PARN: variants seen among roughly 807,000 people sequenced by gnomAD.
The protein encoded by PARN is poly(A)-specific ribonuclease PARN.
A neutral mutation model predicts 102.8 loss-of-function variants in PARN; 71 were observed. That is an observed-to-expected ratio of 0.69 (90% CI 0.57 to 0.84). The LOEUF is 0.84. Ranked by LOEUF, PARN falls within the 40% of genes least tolerant of loss-of-function variation. The probability of loss-of-function intolerance (pLI) is 0.00; values close to 1 mark genes in which losing one functional copy is unlikely to be tolerated. For synonymous variants in PARN, 261 were observed against 252.9 expected, an observed-to-expected ratio of 1.03 and a Z score of -0.30; for missense variants, 782 against 760.9, an observed-to-expected ratio of 1.03 and a Z score of -0.33.
intron 18 of PARN, among the ~76,000 whole-genome samples, chr16:14,570,860 C>T (rs957356177): frequency 6.7e-6 from 1 of 149,062 alleles, no homozygotes; most frequent in African/African-American, 2.5e-5. Context: ...TGGTGGCATG[C>T]GCCTTTGGTA....
intron 19 of PARN, among the ~76,000 whole-genome samples, 157 bp from the exon 20 acceptor site, chr16:14,554,308 G>A (rs1487679107): frequency 6.6e-6 from 1 of 152,170 alleles, no homozygotes. Context: ...GGATTGGTGG[G>A]ATTCTGCCAT....
chr16:14,573,249 T>C (rs779567609), intron 18 of PARN, among the ~76,000 whole-genome samples: 2 of 152,216 alleles, frequency 1.3e-5, no homozygotes, highest in Non-Finnish European at 2.9e-5. Flanking sequence ...TTTTGAAATA[T>C]GTATACACTG....
chr16:14,510,950 G>A (rs1324050601), intron 21 of PARN, among the ~76,000 whole-genome samples: 1 of 152,198 alleles, frequency 6.6e-6, no homozygotes, highest in Non-Finnish European at 1.5e-5. Context: ...CTGAGCCACA[G>A]AGGAAAAAAT....
At chr16:14,576,458 G>A (rs529698079) in intron 18 of PARN, among the ~76,000 whole-genome samples, 8 of 152,280 alleles carry the variant, frequency 5.3e-5, no homozygotes, top group African/African-American at 1.9e-4. Context: ...AAGGGTCAAG[G>A]TGTCTTGACA....
intron 23 of PARN, among the ~76,000 whole-genome samples, chr16:14,441,622 T>C (rs4442838): frequency 0.11 from 16,831 of 152,270 alleles, 1,016 homozygotes; most frequent in East Asian, 0.25. Flanking sequence ...TGATGACATC[T>C]TGGAGTTGCC....
At chr16:14,581,100 T>C (rs1406912772) in intron 17 of PARN, among the ~76,000 whole-genome samples, 157 bp from the exon 18 acceptor site, 1 of 152,188 alleles carries the variant, frequency 6.6e-6, no homozygotes, top group Non-Finnish European at 1.5e-5. Flanking sequence ...TTGCCCAGGC[T>C]GGAGTGCAAT....
chr16:14,512,863 G>C (rs1283047177), intron 21 of PARN, among the ~76,000 whole-genome samples: 1 of 152,150 alleles, frequency 6.6e-6, no homozygotes, highest in Non-Finnish European at 1.5e-5. Flanking sequence ...TTTTGTTGTG[G>C]TTTTTATTTT....
At position 14,582,176 on chromosome 16, in the gene PARN, C is replaced by A. The variant is rs144238272; in HGVS notation, c.1192+5G>T. On this transcript the variant is annotated splice_donor_5th_base_variant and intron_variant, in intron 17 of 23. Coordinates refer to ENST00000437198, the MANE Select transcript of PARN (RefSeq NM_002582.4). ...GTGTTTGACTGAAAGACATGTAATG[C>A]GTACCTAGGTAATTGGCCATGGAGA... is the stretch of plus-strand genomic sequence containing the variant. 1.3e-6 allele frequency: 2 copies of A among 1,554,602 alleles called. No homozygotes were observed. Among genetic ancestry groups the A allele is most frequent in the East Asian group, 2.2e-5 (1 of 44,584 alleles).
intron 23 of PARN, among the ~76,000 whole-genome samples, chr16:14,438,447 G>C (rs1321786594): frequency 2.0e-5 from 3 of 150,530 alleles, no homozygotes; most frequent in South Asian, 4.2e-4. Context: ...TAGTTGGGGG[G>C]GGGGGTGTGT....
intron 9 of PARN, among the ~76,000 whole-genome samples, 159 bp from the exon 10 acceptor site, chr16:14,606,685 C>T (rs904242975): frequency 3.9e-5 from 6 of 152,014 alleles, no homozygotes; most frequent in African/African-American, 9.7e-5. Context: ...TATTTTATAA[C>T]GTTTCAGCTG....
At chr16:14,591,390 TA>T (rs11352789) in intron 13 of PARN, among the ~76,000 whole-genome samples, 77,784 of 138,990 alleles carry the variant, frequency 0.56, 21,809 homozygotes, top group Middle Eastern at 0.67. Context: ...ACTCCATCTC[TA>T]AAAAAAAAAA....
intron 21 of PARN, among the ~76,000 whole-genome samples, chr16:14,509,562 C>T (rs59939388): frequency 6.6e-6 from 1 of 152,260 alleles, no homozygotes; most frequent in East Asian, 1.9e-4. Context: ...AAACCCCATC[C>T]ATCACATAAG....
intron 23 of PARN, among the ~76,000 whole-genome samples, chr16:14,445,592 C>A (rs1403365763): frequency 2.0e-5 from 3 of 152,174 alleles, no homozygotes; most frequent in African/African-American, 7.2e-5. Context: ...GACAGGGTGT[C>A]ACTCTGTTGC....
intron 11 of PARN, among the ~76,000 whole-genome samples, chr16:14,601,206 C>T (rs1399904616): frequency 1.3e-5 from 2 of 152,112 alleles, no homozygotes; most frequent in Non-Finnish European, 2.9e-5. Context: ...TCAAAAGCAA[C>T]CCAGGTGTCC....
chr16:14,521,045 T>G (rs1388654395), intron 21 of PARN, among the ~76,000 whole-genome samples: 1 of 152,216 alleles, frequency 6.6e-6, no homozygotes, highest in African/African-American at 2.4e-5. Flanking sequence ...TATCCTTTAA[T>G]TCTCTAGTCT....
intron 22 of PARN, among the ~76,000 whole-genome samples, chr16:14,464,289 A>T (rs1378595460): frequency 6.6e-6 from 1 of 152,258 alleles, no homozygotes; most frequent in African/African-American, 2.4e-5. Context: ...GAACTTGTAA[A>T]AAGTAGCCAC....
At chr16:14,542,853 T>C (rs1455526304) in intron 21 of PARN, among the ~76,000 whole-genome samples, 1 of 152,212 alleles carries the variant, frequency 6.6e-6, no homozygotes, top group Non-Finnish European at 1.5e-5. Flanking sequence ...AAAGATCTCC[T>C]ACATGTGGGT....
At chr16:14,587,490 G>A (rs1188517316) in intron 13 of PARN, among the ~76,000 whole-genome samples, 1 of 152,154 alleles carries the variant, frequency 6.6e-6, no homozygotes, top group Non-Finnish European at 1.5e-5. Flanking sequence ...TTTGATACCA[G>A]TGCATGTAAA....
At chr16:14,626,714 C>A (rs1336304166) in intron 5 of PARN, among the ~76,000 whole-genome samples, 1 of 151,836 alleles carries the variant, frequency 6.6e-6, no homozygotes, top group Non-Finnish European at 1.5e-5. Flanking sequence ...CAGGTTCACG[C>A]CATTCTCCTG....
Sources: gnomAD v4.1 joint callset for allele counts (sites outside exome capture counted in the v4.1 genomes callset) on GRCh38, gnomAD v4.1.1 for gene constraint, MANE v1.5 for transcripts, NCBI Gene and HGNC (gene_info 2026-07-23, HGNC 2026-07-21) for gene names.